NOS1AP: variants seen among roughly 807,000 people sequenced by gnomAD.
NOS1AP encodes the protein nitric oxide synthase 1 adaptor protein, also known as carboxyl-terminal PDZ ligand of neuronal nitric oxide synthase protein.
A neutral mutation model predicts 56.2 loss-of-function variants in NOS1AP; 21 were observed. The observed-to-expected ratio is 0.37, with a 90% CI of 0.26 to 0.54. The LOEUF is 0.54. Among genes scored for constraint, NOS1AP ranks in the 20% least tolerant of loss-of-function variants. The pLI is 0.84. For synonymous variants in NOS1AP, 270 were observed against 274.6 expected, an observed-to-expected ratio of 0.98 and a Z score of 0.17; for missense variants, 522 against 657.8, an observed-to-expected ratio of 0.79 and a Z score of 2.26.
At position 162,093,848 on chromosome 1, in the gene NOS1AP, T is replaced by C. The variant is rs551388851; in HGVS notation, c.105+23566T>C. On this transcript the variant is annotated intron_variant, in intron 1 of 9. Transcript: ENST00000361897. ...GATTACAGGCATGAGCCACTGTGCC[T>C]GGCCTGTGGACATTACTGAAAAAAA... Among the ~76,000 whole-genome samples, 3 of 152,320 alleles carry C rather than the reference T, an allele frequency of 2.0e-5. No individual in the cohort carries two copies. In the East Asian group the frequency reaches 5.8e-4, roughly 29 times the overall value.
chr1:162,154,965 T>G (rs886512689), intron 2 of NOS1AP, among the ~76,000 whole-genome samples: 4 of 152,028 alleles, frequency 2.6e-5, no homozygotes, highest in Admixed American at 1.3e-4. Flanking sequence ...AATGGAAGCT[T>G]TTATTAGAAA....
intron 1 of NOS1AP, among the ~76,000 whole-genome samples, chr1:162,095,896 C>T (rs1240314532): frequency 6.6e-6 from 1 of 152,176 alleles, no homozygotes; most frequent in African/African-American, 2.4e-5. Context: ...TCAAAGACTA[C>T]TTATCATGTG....
intron 2 of NOS1AP, among the ~76,000 whole-genome samples, chr1:162,217,025 G>A (rs1349421744): frequency 6.6e-6 from 1 of 152,132 alleles, no homozygotes; most frequent in African/African-American, 2.4e-5. Context: ...TTTTCCTGCT[G>A]TGAAGGGAAG....
intron 2 of NOS1AP, among the ~76,000 whole-genome samples, chr1:162,252,589 A>C (rs956509901): frequency 6.6e-6 from 1 of 152,128 alleles, no homozygotes; most frequent in African/African-American, 2.4e-5. Context: ...TTATCTCGTA[A>C]GTGGAGGGAG....
At chr1:162,142,543 A>T (rs1458573977) in intron 1 of NOS1AP, among the ~76,000 whole-genome samples, 1 of 152,158 alleles carries the variant, frequency 6.6e-6, no homozygotes, top group Non-Finnish European at 1.5e-5. Flanking sequence ...TTCTTGGTGT[A>T]CATTCTACTT....
intron 4 of NOS1AP, among the ~76,000 whole-genome samples, chr1:162,325,566 C>T (rs1001739927): frequency 6.6e-5 from 10 of 152,068 alleles, no homozygotes; most frequent in African/African-American, 2.2e-4. Context: ...TGGGCTGGGA[C>T]GCTTAGGGAA....
At chr1:162,315,280 C>G (rs1656193963) in intron 4 of NOS1AP, among the ~76,000 whole-genome samples, 1 of 152,198 alleles carries the variant, frequency 6.6e-6, no homozygotes, top group South Asian at 2.1e-4. Flanking sequence ...GCCTGACAAA[C>G]CTTTAATATT....
chr1:162,099,383 G>A (rs909963160), intron 1 of NOS1AP, among the ~76,000 whole-genome samples: 2 of 151,898 alleles, frequency 1.3e-5, no homozygotes, highest in Non-Finnish European at 2.9e-5. Flanking sequence ...GTAGAGATGG[G>A]GTTTCACCGT....
chr1:162,302,118 T>C (rs979038472), intron 4 of NOS1AP, among the ~76,000 whole-genome samples: 18 of 152,336 alleles, frequency 1.2e-4, no homozygotes, highest in African/African-American at 4.1e-4. Context: ...TGTAGTACTG[T>C]TTAATGTTTT....
chr1:162,177,452 A>G (rs1416762397), intron 2 of NOS1AP, among the ~76,000 whole-genome samples: 1 of 152,076 alleles, frequency 6.6e-6, no homozygotes, highest in Non-Finnish European at 1.5e-5. Flanking sequence ...TTTGCCAGGT[A>G]GGTCAGCTGC....
chr1:162,363,806 T>G (rs1282660922), intron 8 of NOS1AP: 1 of 985,300 alleles, frequency 1.0e-6, no homozygotes, highest in East Asian at 1.1e-4. Flanking sequence ...TTCTCTCAAT[T>G]AATATGAGAC....
intron 1 of NOS1AP, among the ~76,000 whole-genome samples, chr1:162,151,040 C>G (rs760112879): frequency 5.9e-5 from 9 of 152,210 alleles, no homozygotes; most frequent in Non-Finnish European, 1.2e-4. Flanking sequence ...TTTGCCCGGT[C>G]CAATGTCCTG....
chr1:162,114,395 A>AG (rs1647847343), intron 1 of NOS1AP, among the ~76,000 whole-genome samples: 11 of 152,174 alleles, frequency 7.2e-5, no homozygotes, highest in Admixed American at 7.2e-4. Flanking sequence ...TTTCTTTTTC[A>AG]GGGGAACTTC....
At chr1:162,245,241 A>G (rs1653624104) in intron 2 of NOS1AP, among the ~76,000 whole-genome samples, 1 of 152,238 alleles carries the variant, frequency 6.6e-6, no homozygotes, top group African/African-American at 2.4e-5. Context: ...TACTTCACCA[A>G]AGAAGACATA....
intron 2 of NOS1AP, among the ~76,000 whole-genome samples, chr1:162,172,410 T>A (rs1201163781): frequency 1.3e-5 from 2 of 152,188 alleles, no homozygotes; most frequent in Non-Finnish European, 2.9e-5. Context: ...CACAAAAGAA[T>A]GGCTATCCCA....
At chr1:162,096,630 A>G (rs990895839) in intron 1 of NOS1AP, among the ~76,000 whole-genome samples, 4 of 152,214 alleles carry the variant, frequency 2.6e-5, no homozygotes, top group African/African-American at 7.2e-5. Context: ...TAAAAAACAT[A>G]TGCATATATC....
intron 4 of NOS1AP, 65 bp downstream of exon 4, chr1:162,300,771 A>C (rs1655624536): frequency 7.1e-7 from 1 of 1,416,044 alleles, no homozygotes; most frequent in Non-Finnish European, 1.0e-6. Context: ...CCCTACAGCC[A>C]CCTGTCAGGC....
chr1:162,325,157 A>G (rs1557878753), intron 4 of NOS1AP, among the ~76,000 whole-genome samples: 1 of 152,252 alleles, frequency 6.6e-6, no homozygotes, highest in Non-Finnish European at 1.5e-5. Flanking sequence ...TTCAAATAAA[A>G]GCAAGCCAGC....
chr1:162,204,252 T>G (rs192185753), intron 2 of NOS1AP, among the ~76,000 whole-genome samples: 25 of 152,228 alleles, frequency 1.6e-4, no homozygotes, highest in Non-Finnish European at 2.9e-4. Flanking sequence ...TGGGCTTCTT[T>G]CAGCAACACC....
Sources: gnomAD v4.1 joint callset for allele counts (sites outside exome capture counted in the v4.1 genomes callset) on GRCh38, gnomAD v4.1.1 for gene constraint, MANE v1.5 for transcripts, NCBI Gene and HGNC (gene_info 2026-07-23, HGNC 2026-07-21) for gene names.